Variants in METTL15 observed in about 807,000 individuals in gnomAD.
METTL15 encodes methyltransferase 15, mitochondrial 12S rRNA N4-cytidine, also known as 12S rRNA N(4)-cytidine methyltransferase METTL15.
METTL15 carries 34 observed loss-of-function variants against 38.3 expected under a neutral mutation model. The observed-to-expected ratio is 0.89, with a 90% CI of 0.68 to 1.18. The LOEUF (loss-of-function observed/expected upper bound fraction) is 1.18, where lower values mean the gene tolerates loss of function less well. METTL15 is among the 50% of genes most tolerant of loss of function. The pLI, the probability that METTL15 is intolerant of heterozygous loss-of-function variation, is 0.00. For missense variants in METTL15, 438 were observed against 498.4 expected (o/e 0.88, Z 1.15); for synonymous variants, 162 against 170.9 (o/e 0.95, Z 0.41).
chr11:28,408,030 A>G (rs974802716), intron 5 of METTL15, among the ~76,000 whole-genome samples: 3 of 152,132 alleles, frequency 2.0e-5, no homozygotes, highest in Non-Finnish European at 4.4e-5. Context: ...CTTGGAAGCC[A>G]TTATCTTCAG....
chr11:28,275,117 A>G (rs1046400496), intron 4 of METTL15, among the ~76,000 whole-genome samples: 5 of 151,606 alleles, frequency 3.3e-5, no homozygotes, highest in Admixed American at 6.6e-5. Context: ...ATATAAAAAG[A>G]TCAAAGGGAA....
chr11:28,117,468 T>C lies in METTL15; in HGVS notation c.270+3864T>C, dbSNP rs187370744. On this transcript the variant is annotated intron_variant, in intron 3 of 6. Coordinates refer to ENST00000407364, the MANE Select transcript of METTL15 (RefSeq NM_001113528.2). The stretch of plus-strand genomic sequence containing the variant: ...GAGTAGAAAAACAAACAAAAACAAA[T>C]TGCACTACATCTTCTAGCAAATCAG... 7.9e-5 allele frequency among the ~76,000 whole-genome samples: 12 copies of C among 152,022 alleles called. No homozygotes were observed. The East Asian group carries it at 1.9e-3, about 24-fold the overall frequency.
At chr11:28,451,144 C>T (rs1409688136) in intron 6 of METTL15, among the ~76,000 whole-genome samples, 2 of 152,098 alleles carry the variant, frequency 1.3e-5, no homozygotes, top group South Asian at 2.1e-4. Flanking sequence ...TGGGATGATA[C>T]CACAGCTCAA....
At chr11:28,523,269 A>T (rs1016538672) in intron 6 of METTL15, among the ~76,000 whole-genome samples, 3 of 152,346 alleles carry the variant, frequency 2.0e-5, no homozygotes, top group African/African-American at 7.2e-5. Flanking sequence ...TTTCAGTTGG[A>T]TACAACAATA....
At chr11:28,154,279 A>AT (rs910982707) in intron 3 of METTL15, among the ~76,000 whole-genome samples, 13 of 151,750 alleles carry the variant, frequency 8.6e-5, no homozygotes, top group East Asian at 1.9e-4. Flanking sequence ...TTGATTTCCC[A>AT]TTTTTTTTGT....
chr11:28,326,299 T>TA (rs1009589927), intron 6 of METTL15, among the ~76,000 whole-genome samples: 15 of 151,988 alleles, frequency 9.9e-5, no homozygotes, highest in East Asian at 1.9e-4. Context: ...TTTTTTTTTT[T>TA]ATCTTGTGTT....
chr11:28,416,952 G>A (rs1850777331), intron 5 of METTL15, among the ~76,000 whole-genome samples: 1 of 152,162 alleles, frequency 6.6e-6, no homozygotes, highest in African/African-American at 2.4e-5. Flanking sequence ...TCTTTGGAAA[G>A]AATCATTTAT....
chr11:28,467,259 G>C (rs546037249), intron 6 of METTL15, among the ~76,000 whole-genome samples: 1 of 152,150 alleles, frequency 6.6e-6, no homozygotes, highest in South Asian at 2.1e-4. Context: ...AGGATAAGGG[G>C]ACCAGGGTAG....
intron 6 of METTL15, among the ~76,000 whole-genome samples, chr11:28,442,315 C>T (rs533817241): frequency 1.3e-5 from 2 of 152,154 alleles, no homozygotes; most frequent in Non-Finnish European, 2.9e-5. Context: ...GGCATATTTC[C>T]TGAAGGGTGA....
chr11:28,305,849 G>A lies in METTL15; in HGVS notation c.778+8918G>A, dbSNP rs555362729. On this transcript the variant is annotated intron_variant, in intron 6 of 6. Transcript: ENST00000407364. ...GGAGACCTTTGAGTTAGGCCTTTTA[G>A]GGGCAGAAGTGATGCCTATTTATGG... Among the ~76,000 whole-genome samples, 11 of 152,192 alleles carry A rather than the reference G, an allele frequency of 7.2e-5. No homozygotes were observed. In the East Asian group the frequency reaches 2.1e-3, roughly 29 times the overall value.
At chr11:28,447,488 T>C (rs1341183965) in intron 6 of METTL15, among the ~76,000 whole-genome samples, 3 of 152,180 alleles carry the variant, frequency 2.0e-5, no homozygotes, top group Admixed American at 1.3e-4. Context: ...GATAAAGTAT[T>C]GAATAACGAA....
intron 6 of METTL15, among the ~76,000 whole-genome samples, chr11:28,479,055 CTTTGTGTGTG>C (rs1851372227): frequency 1.3e-5 from 1 of 76,124 alleles, no homozygotes; most frequent in Non-Finnish European, 2.5e-5. Context: ...GCTTATTTCT[CTTTGTGTGTG>C]TGTGTGTGTG....
chr11:28,235,045 C>T (rs1853884191), intron 4 of METTL15, among the ~76,000 whole-genome samples: 1 of 152,118 alleles, frequency 6.6e-6, no homozygotes, highest in South Asian at 2.1e-4. Flanking sequence ...TTTCCCAGCA[C>T]CATTTATTAA....
At chr11:28,197,190 T>C (rs567520041) in intron 3 of METTL15, among the ~76,000 whole-genome samples, 1 of 152,064 alleles carries the variant, frequency 6.6e-6, no homozygotes, top group African/African-American at 2.4e-5. Flanking sequence ...TTTATTGAAT[T>C]TTAAGTTCTT....
chr11:28,467,178 C>T (rs1409163018), intron 6 of METTL15, among the ~76,000 whole-genome samples: 1 of 152,158 alleles, frequency 6.6e-6, no homozygotes, highest in Admixed American at 6.5e-5. Flanking sequence ...TGTGACTGGA[C>T]TCATATTAAC....
At chr11:28,132,164 AT>A (rs2133635539) in intron 3 of METTL15, among the ~76,000 whole-genome samples, 1 of 152,304 alleles carries the variant, frequency 6.6e-6, no homozygotes, top group Admixed American at 6.5e-5. Flanking sequence ...ATTAATTGTT[AT>A]GCTTCTTGGG....
intron 3 of METTL15, among the ~76,000 whole-genome samples, chr11:28,198,466 A>G (rs950594203): frequency 6.6e-6 from 1 of 152,162 alleles, no homozygotes; most frequent in African/African-American, 2.4e-5. Flanking sequence ...GATTTAAGCT[A>G]CAAGAGGAAA....
chr11:28,199,068 G>A (rs966028225), intron 3 of METTL15, among the ~76,000 whole-genome samples: 1 of 151,696 alleles, frequency 6.6e-6, no homozygotes, highest in Admixed American at 6.6e-5. Context: ...TGTCAAAGGA[G>A]CATCCCTCTG....
At chr11:28,248,631 A>G (rs999824124) in intron 4 of METTL15, among the ~76,000 whole-genome samples, 1 of 152,018 alleles carries the variant, frequency 6.6e-6, no homozygotes, top group Non-Finnish European at 1.5e-5. Context: ...GAGAATGTAC[A>G]TTTATCTTTA....
Sources: allele counts gnomAD v4.1 joint callset (sites outside exome capture counted in the v4.1 genomes callset), GRCh38; gene constraint gnomAD v4.1.1; transcripts MANE v1.5; gene names NCBI Gene and HGNC (gene_info 2026-07-23, HGNC 2026-07-21).